Variants in CCSER1 observed in about 807,000 individuals in gnomAD.
CCSER1 encodes coiled-coil serine rich protein 1.
In CCSER1, 41 loss-of-function variants were observed where a neutral mutation model predicts 82.0. The observed-to-expected ratio is 0.50, with a 90% CI of 0.39 to 0.65. The LOEUF is 0.65. Among genes scored for constraint, CCSER1 ranks in the 30% least tolerant of loss-of-function variants. CCSER1 has a pLI of 0.00. For missense variants in CCSER1, 1,119 were observed against 1,064.2 expected (o/e 1.05, Z -0.72); for synonymous variants, 414 against 383.9 (o/e 1.08, Z -0.92).
intron 8 of CCSER1, among the ~76,000 whole-genome samples, chr4:90,852,112 CA>C (rs5860207): frequency 0.17 from 25,540 of 151,834 alleles, 2,609 homozygotes; most frequent in South Asian, 0.27. Flanking sequence ...AAAGAGAAGT[CA>C]AAAAAATATA....
At position 91,600,755 on chromosome 4, in the gene CCSER1, G is replaced by A. The variant is rs2110365638; in HGVS notation, c.*1698G>A. Reference sequence around the variant, plus strand: ...TGGATATGTTGTACTTGTAATTTTGGTTTTCCAAAGGAACACACATGTGCA... The same window carrying A: ...TGGATATGTTGTACTTGTAATTTTGATTTTCCAAAGGAACACACATGTGCA... On this transcript the variant is annotated 3_prime_UTR_variant, in exon 11 of 11. Transcript: ENST00000509176. The A allele has an allele frequency of 6.6e-6, 1 of 152,208 alleles. No individual in the cohort carries two copies. The highest frequency in any genetic ancestry group is 6.6e-5 in the Admixed American group (1 of 15,256). The allele number at this position is 152,208 out of a possible 1,614,324, so 9.4% of individuals were successfully genotyped here.
chr4:91,541,660 C>T (rs1020802412), intron 10 of CCSER1, among the ~76,000 whole-genome samples: 1 of 152,142 alleles, frequency 6.6e-6, no homozygotes, highest in Non-Finnish European at 1.5e-5. Context: ...CAAATCTTTG[C>T]TATTGTGAAT....
chr4:90,556,781 T>A (rs1023615684), intron 5 of CCSER1, among the ~76,000 whole-genome samples: 2 of 151,400 alleles, frequency 1.3e-5, no homozygotes, highest in Non-Finnish European at 1.5e-5. Context: ...GTCTCAGGGG[T>A]GGCAGAGACA....
chr4:91,307,836 T>G (rs1471993476), intron 10 of CCSER1, among the ~76,000 whole-genome samples: 2 of 151,922 alleles, frequency 1.3e-5, no homozygotes, highest in Non-Finnish European at 2.9e-5. Flanking sequence ...AGAGTGCTAT[T>G]AAAAATATTG....
At chr4:90,203,147 CAT>C (rs560138880) in intron 1 of CCSER1, among the ~76,000 whole-genome samples, 70 of 152,292 alleles carry the variant, frequency 4.6e-4, no homozygotes, top group Middle Eastern at 3.4e-3. Flanking sequence ...TGATTTGTCA[CAT>C]GAGTCTACTT....
intron 8 of CCSER1, among the ~76,000 whole-genome samples, chr4:90,879,989 C>G (rs1322413228): frequency 1.3e-5 from 2 of 152,164 alleles, no homozygotes; most frequent in East Asian, 3.9e-4. Flanking sequence ...AGAAAGTATG[C>G]TAGCAAAGTA....
At chr4:90,152,265 A>G (rs887918590) in intron 1 of CCSER1, among the ~76,000 whole-genome samples, 7 of 152,160 alleles carry the variant, frequency 4.6e-5, no homozygotes, top group Non-Finnish European at 7.4e-5. Flanking sequence ...GTGCACCACA[A>G]TCTCCAGAAG....
intron 10 of CCSER1, among the ~76,000 whole-genome samples, chr4:91,086,953 T>C (rs1381160408): frequency 2.0e-5 from 3 of 152,108 alleles, no homozygotes; most frequent in Admixed American, 2.0e-4. Context: ...AAGAGCTAGA[T>C]GAAGTGAAAC....
intron 8 of CCSER1, among the ~76,000 whole-genome samples, chr4:90,919,501 AT>A (rs1464050465): frequency 6.6e-6 from 1 of 151,968 alleles, no homozygotes; most frequent in East Asian, 1.9e-4. Context: ...TGCCTGGCAT[AT>A]AACCTACATT....
intron 5 of CCSER1, among the ~76,000 whole-genome samples, chr4:90,506,238 A>T (rs767070595): frequency 7.2e-5 from 11 of 152,174 alleles, no homozygotes; most frequent in East Asian, 3.9e-4. Flanking sequence ...GATTATTAAA[A>T]TTTTTTTTCA....
intron 10 of CCSER1, among the ~76,000 whole-genome samples, chr4:91,347,244 A>G (rs907977745): frequency 2.6e-5 from 4 of 152,122 alleles, no homozygotes; most frequent in African/African-American, 4.8e-5. Flanking sequence ...AAAGACTATT[A>G]TATTTCCATT....
intron 3 of CCSER1, among the ~76,000 whole-genome samples, chr4:90,327,922 G>A (rs1738518521): frequency 6.6e-6 from 1 of 152,074 alleles, no homozygotes; most frequent in African/African-American, 2.4e-5. Flanking sequence ...TGAGGACTCT[G>A]CGCACTTACT....
At chr4:91,216,746 C>T (rs1737275919) in intron 10 of CCSER1, among the ~76,000 whole-genome samples, 1 of 152,126 alleles carries the variant, frequency 6.6e-6, no homozygotes, top group African/African-American at 2.4e-5. Flanking sequence ...TTTTATACTT[C>T]GTAACTAAAT....
chr4:90,748,034 T>C (rs1747815933), intron 7 of CCSER1, among the ~76,000 whole-genome samples: 1 of 108,938 alleles, frequency 9.2e-6, no homozygotes, highest in Admixed American at 8.4e-5. Flanking sequence ...TGCCACATTT[T>C]CTTCTTTTTT....
intron 10 of CCSER1, among the ~76,000 whole-genome samples, chr4:91,161,642 G>A (rs1289136612): frequency 2.0e-5 from 3 of 152,082 alleles, no homozygotes; most frequent in South Asian, 2.1e-4. Context: ...TGGATTCCTA[G>A]GTATTTTATT....
intron 5 of CCSER1, among the ~76,000 whole-genome samples, chr4:90,543,837 A>T (rs1243337562): frequency 2.6e-5 from 4 of 152,144 alleles, no homozygotes; most frequent in Non-Finnish European, 4.4e-5. Flanking sequence ...ATTTTTGAAG[A>T]CATGGTGAAT....
At chr4:90,649,450 G>T (rs529094171) in intron 6 of CCSER1, 1 of 152,074 alleles carries the variant, frequency 6.6e-6, no homozygotes, top group Admixed American at 6.6e-5. Flanking sequence ...GGTCACAATC[G>T]TGGGGCCCTG....
chr4:90,176,090 A>G (rs1732606581), intron 1 of CCSER1, among the ~76,000 whole-genome samples: 2 of 151,970 alleles, frequency 1.3e-5, no homozygotes, highest in Non-Finnish European at 2.9e-5. Context: ...ACAAGAGGGC[A>G]TGATAGTTGG....
At chr4:90,652,372 C>T (rs888161838) in intron 6 of CCSER1, among the ~76,000 whole-genome samples, 1 of 152,040 alleles carries the variant, frequency 6.6e-6, no homozygotes, top group Non-Finnish European at 1.5e-5. Flanking sequence ...AGAAATAATA[C>T]TAAAATACTA....
Sources: gnomAD v4.1 joint callset for allele counts (sites outside exome capture counted in the v4.1 genomes callset) on GRCh38, gnomAD v4.1.1 for gene constraint, MANE v1.5 for transcripts, NCBI Gene and HGNC (gene_info 2026-07-23, HGNC 2026-07-21) for gene names.